MACROD2: variants seen among roughly 807,000 people sequenced by gnomAD.
MACROD2 encodes the protein ADP-ribose glycohydrolase MACROD2.
Under a neutral mutation model 70.4 loss-of-function variants are expected in MACROD2, and 36 were observed. The ratio of observed to expected loss-of-function variants is 0.51; its 90% confidence interval spans 0.39 to 0.68. The LOEUF (loss-of-function observed/expected upper bound fraction) is 0.68. MACROD2 is among the 30% of genes least tolerant of loss of function. The pLI, the probability that MACROD2 is intolerant of heterozygous loss-of-function variation, is 0.00. For missense variants in MACROD2, 496 were observed against 538.4 expected (o/e 0.92, Z 0.78); for synonymous variants, 172 against 178.8 (o/e 0.96, Z 0.30).
intron 4 of MACROD2, among the ~76,000 whole-genome samples, chr20:14,530,290 G>T (rs2085286716): frequency 6.6e-6 from 1 of 152,158 alleles, no homozygotes; most frequent in Non-Finnish European, 1.5e-5. Flanking sequence ...AACTGATAAG[G>T]CTCAGGGGAT....
At chr20:14,136,269 C>T (rs2054796093) in intron 3 of MACROD2, among the ~76,000 whole-genome samples, 1 of 151,764 alleles carries the variant, frequency 6.6e-6, no homozygotes, top group African/African-American at 2.4e-5. Flanking sequence ...AATATAAGCA[C>T]AAAAAATGTG....
At chr20:15,787,060 C>T (rs1035409940) in intron 8 of MACROD2, among the ~76,000 whole-genome samples, 2 of 151,446 alleles carry the variant, frequency 1.3e-5, no homozygotes. Flanking sequence ...GCAACCTCTG[C>T]CTCCTGGTTC....
chr20:16,033,857 T>TGTG (rs142080085), intron 15 of MACROD2, among the ~76,000 whole-genome samples: 2 of 140,770 alleles, frequency 1.4e-5, no homozygotes, highest in African/African-American at 2.7e-5. Flanking sequence ...CAGTAGGGGG[T>TGTG]GGGGTGGGGG....
chr20:15,021,135 TAC>T (rs2075170259), intron 5 of MACROD2, among the ~76,000 whole-genome samples: 2 of 117,308 alleles, frequency 1.7e-5, no homozygotes, highest in African/African-American at 7.3e-5. Flanking sequence ...TGTATACACA[TAC>T]GTGTGTGTAT....
intron 6 of MACROD2, among the ~76,000 whole-genome samples, chr20:15,367,322 G>A (rs1018923821): frequency 1.3e-5 from 2 of 151,866 alleles, no homozygotes; most frequent in African/African-American, 2.4e-5. Flanking sequence ...CACCGTGCCC[G>A]GCCCCAAAAA....
chr20:15,367,445 A>C (rs978178586), intron 6 of MACROD2, among the ~76,000 whole-genome samples: 1 of 152,188 alleles, frequency 6.6e-6, no homozygotes, highest in East Asian at 1.9e-4. Flanking sequence ...CATTTTTACC[A>C]TTTTATTTTC....
chr20:14,929,887 C>T (rs908935727), intron 5 of MACROD2, among the ~76,000 whole-genome samples: 18 of 152,058 alleles, frequency 1.2e-4, no homozygotes, highest in African/African-American at 3.6e-4. Context: ...GTTTGCTGGG[C>T]GCGGTATCTC....
chr20:15,130,512 C>T (rs1226204052), intron 5 of MACROD2, among the ~76,000 whole-genome samples: 5 of 152,020 alleles, frequency 3.3e-5, no homozygotes, highest in African/African-American at 1.2e-4. Flanking sequence ...AGAGAAGAAA[C>T]AGGGACATTT....
chr20:14,228,197 T>TGTGC (rs2081762530), intron 3 of MACROD2, among the ~76,000 whole-genome samples: 1 of 151,832 alleles, frequency 6.6e-6, no homozygotes, highest in East Asian at 1.9e-4. Context: ...AGAGAGAGTG[T>TGTGC]GTGTGTGCGT....
intron 8 of MACROD2, among the ~76,000 whole-genome samples, chr20:15,638,222 G>A (rs1027598598): frequency 1.3e-5 from 2 of 152,302 alleles, no homozygotes; most frequent in African/African-American, 2.4e-5. Flanking sequence ...GCAACCTCGG[G>A]CTCTGTTCCT....
At chr20:15,834,492 G>A (rs972303700) in intron 8 of MACROD2, among the ~76,000 whole-genome samples, 6 of 151,848 alleles carry the variant, frequency 4.0e-5, no homozygotes, top group East Asian at 1.9e-4. Flanking sequence ...TGCCTTATCC[G>A]TTGCCCCGGT....
intron 8 of MACROD2, among the ~76,000 whole-genome samples, chr20:15,837,615 G>T (rs1334715158): frequency 6.6e-6 from 1 of 152,096 alleles, no homozygotes; most frequent in African/African-American, 2.4e-5. Context: ...TCACCAAAGT[G>T]CAGCCTTTCA....
chr20:16,025,965 G>A (rs1349895914), intron 15 of MACROD2, among the ~76,000 whole-genome samples: 1 of 148,318 alleles, frequency 6.7e-6, no homozygotes, highest in Non-Finnish European at 1.5e-5. Flanking sequence ...GGCCAACATG[G>A]TGAAACCCCA....
intron 4 of MACROD2, among the ~76,000 whole-genome samples, chr20:14,655,427 A>C (rs74489042): frequency 0.028 from 4,289 of 151,176 alleles, 200 homozygotes; most frequent in African/African-American, 0.099. Flanking sequence ...GTTAACAGTT[A>C]TCTGTTTACA....
At chr20:15,156,556 C>A (rs2076308241) in intron 5 of MACROD2, among the ~76,000 whole-genome samples, 1 of 152,122 alleles carries the variant, frequency 6.6e-6, no homozygotes, top group African/African-American at 2.4e-5. Context: ...GTGCTTTGCA[C>A]CTTCAAGTTA....
At chr20:14,740,460 T>A (rs1470768860) in intron 5 of MACROD2, among the ~76,000 whole-genome samples, 1 of 152,192 alleles carries the variant, frequency 6.6e-6, no homozygotes, top group Non-Finnish European at 1.5e-5. Context: ...TTTTCCTTGG[T>A]TATCAGAACT....
In MACROD2 at chr20:14,610,367, C is replaced by A. The variant is rs188729323; in HGVS notation, c.302-74476C>A. Among the ~76,000 whole-genome samples the A allele has an allele frequency of 2.3e-4, 35 of 152,086 alleles. No homozygotes were observed. The East Asian group carries it at 6.2e-3, about 27-fold the overall frequency. Reference sequence around the variant, plus strand: ...ATTTTTACTTCATTTTCAAAGAAAACACAATATAATCTTTCATTTCATTTT... The same window carrying A: ...ATTTTTACTTCATTTTCAAAGAAAAAACAATATAATCTTTCATTTCATTTT... On this transcript the variant is annotated intron_variant, in intron 4 of 17. Coordinates refer to ENST00000684519, the MANE Select transcript of MACROD2 (RefSeq NM_001351661.2).
chr20:15,789,101 C>T (rs1443317765), intron 8 of MACROD2, among the ~76,000 whole-genome samples: 1 of 152,178 alleles, frequency 6.6e-6, no homozygotes, highest in Non-Finnish European at 1.5e-5. Flanking sequence ...ACAGAAGTTC[C>T]AGCCTTGCTG....
intron 5 of MACROD2, among the ~76,000 whole-genome samples, chr20:15,009,504 T>A (rs1267844530): frequency 6.6e-6 from 1 of 152,198 alleles, no homozygotes; most frequent in Non-Finnish European, 1.5e-5. Context: ...TCTTCTGAAC[T>A]CAGAGGACAG....
Sources: gnomAD v4.1 joint callset for allele counts (sites outside exome capture counted in the v4.1 genomes callset) on GRCh38, gnomAD v4.1.1 for gene constraint, MANE v1.5 for transcripts, NCBI Gene and HGNC (gene_info 2026-07-23, HGNC 2026-07-21) for gene names.